The following KCNJ6 variants were observed in gnomAD, a reference collection of about 807,000 sequenced individuals.
KCNJ6 encodes the protein G protein-activated inward rectifier potassium channel 2.
In KCNJ6, 9 loss-of-function variants were observed where a neutral mutation model predicts 34.2. The ratio of observed to expected loss-of-function variants is 0.26; its 90% CI spans 0.16 to 0.46. The LOEUF (loss-of-function observed/expected upper bound fraction) is 0.46, where lower values mean the gene tolerates loss of function less well. Ranked by LOEUF, KCNJ6 falls within the 20% of genes least tolerant of loss-of-function variation. KCNJ6 has a pLI of 1.00. For synonymous variants in KCNJ6, 196 were observed against 207.1 expected (o/e 0.95, Z 0.46); for missense variants, 236 against 531.3 (o/e 0.44, Z 5.46).
intron 2 of KCNJ6, among the ~76,000 whole-genome samples, chr21:37,808,328 C>G (rs2123539203): frequency 6.6e-6 from 1 of 152,298 alleles, no homozygotes; most frequent in African/African-American, 2.4e-5. Context: ...CCATATTATT[C>G]TGAGAAATGG....
rs140168442 is a variant in KCNJ6, at chr21:37,734,848, C to A, written c.26-19717G>T. Reference sequence around the variant, plus strand: ...ATCCTATGATTGATATATATAATTGCTTAAATGTGCTTTCCCAAACTCATT... The same window carrying A: ...ATCCTATGATTGATATATATAATTGATTAAATGTGCTTTCCCAAACTCATT... On this transcript the variant is annotated intron_variant, in intron 2 of 3. Coordinates refer to ENST00000609713, the MANE Select transcript of KCNJ6 (RefSeq NM_002240.5). 1.1e-4 allele frequency among the ~76,000 whole-genome samples: 17 copies of A among 152,276 alleles called. No individual in the cohort carries two copies. The East Asian group carries it at 3.3e-3, about 29-fold the overall frequency.
chr21:37,809,739 T>A (rs2055313065), intron 2 of KCNJ6, among the ~76,000 whole-genome samples: 1 of 152,144 alleles, frequency 6.6e-6, no homozygotes, highest in Non-Finnish European at 1.5e-5. Context: ...CAGCCTCCCT[T>A]GTAGTAGGTA....
intron 3 of KCNJ6, among the ~76,000 whole-genome samples, chr21:37,638,600 T>C (rs2123374708): frequency 6.6e-6 from 1 of 152,340 alleles, no homozygotes; most frequent in African/African-American, 2.4e-5. Context: ...TGCCACTCCC[T>C]TCTGCCTACC....
chr21:37,686,270 G>C (rs561995997), intron 3 of KCNJ6, among the ~76,000 whole-genome samples: 1 of 152,208 alleles, frequency 6.6e-6, no homozygotes, highest in African/African-American at 2.4e-5. Context: ...GTTGAGGAGG[G>C]GGACAGGTGA....
chr21:37,801,890 CCA>C (rs1212590001), intron 2 of KCNJ6, among the ~76,000 whole-genome samples: 1 of 152,132 alleles, frequency 6.6e-6, no homozygotes, highest in Non-Finnish European at 1.5e-5. Context: ...ATTATTCCCC[CCA>C]GTCACCATGT....
rs531754166 is a variant in KCNJ6, at chr21:37,813,608, C to T, written c.25+27050G>A. On this transcript the variant is annotated intron_variant, in intron 2 of 3. Coordinates refer to ENST00000609713, the MANE Select transcript of KCNJ6 (RefSeq NM_002240.5). ...GCCCAGAAGCAAATCCATACACCTG[C>T]ATGAACTCGTTTTCAACAAAGTTGC... 5.9e-5 allele frequency among the ~76,000 whole-genome samples: 9 copies of T among 152,242 alleles called. No individual in the cohort carries two copies. In the South Asian group the frequency reaches 1.9e-3, roughly 32 times the overall value.
chr21:37,720,752 C>G (rs1354944173), intron 2 of KCNJ6, among the ~76,000 whole-genome samples: 2 of 148,666 alleles, frequency 1.3e-5, no homozygotes, highest in African/African-American at 2.5e-5. Flanking sequence ...CCAGGCCGGA[C>G]TGCGGACTGC....
intron 1 of KCNJ6, among the ~76,000 whole-genome samples, chr21:37,841,754 T>C (rs1247277803): frequency 6.6e-6 from 1 of 152,220 alleles, no homozygotes; most frequent in Non-Finnish European, 1.5e-5. Context: ...TATGTCATCA[T>C]TTTTTAATGA....
Position 37,619,340 on chromosome 21 carries a change from TTCCA to T in KCNJ6, c.*5815_*5818del, listed in dbSNP as rs2054283078. On this transcript the variant is annotated 3_prime_UTR_variant, in exon 4 of 4. Transcript: ENST00000609713. ...CTAAAAACCCCAAGGTCTGGACTTTTTCCATCCATTATGTCTGTAATTACCAATC... is the reference window on the plus strand; with the variant it reads ...CTAAAAACCCCAAGGTCTGGACTTTTTCCATTATGTCTGTAATTACCAATC... The T allele has an allele frequency of 6.6e-6, 1 of 152,246 alleles. No individual in the cohort carries two copies. Among genetic ancestry groups the T allele is most frequent in the South Asian group, 2.1e-4 (1 of 4,828 alleles). The allele number at this position is 152,246 out of a possible 1,614,324, so 9.4% of individuals were successfully genotyped here.
intron 2 of KCNJ6, among the ~76,000 whole-genome samples, chr21:37,764,576 G>A (rs35642940): frequency 0.62 from 94,400 of 151,784 alleles, 30,103 homozygotes; most frequent in African/African-American, 0.75. Flanking sequence ...CCAGGGTTTT[G>A]CCATGTTGGC....
At chr21:37,828,049 C>A (rs956236244) in intron 2 of KCNJ6, among the ~76,000 whole-genome samples, 1 of 152,188 alleles carries the variant, frequency 6.6e-6, no homozygotes. Context: ...CGTGCCTCAC[C>A]TGATAAGCAC....
rs750342789 is a variant in KCNJ6 at position 37,714,647 on chromosome 21, A to G, written c.510T>C (p.Leu170=). The change falls in exon 3 of 4, where the codon CTT becomes CTC. Residue 170 remains leucine (L), a synonymous_variant. Transcript: ENST00000609713. The surrounding 1 kb of genome is among the most constrained non-coding windows in gnomAD (Gnocchi z 5.9). ...ITDKCPEGII[L]LLIQSVLGSI... ...ACCCCAACACAGATTGGATTAAGAG[A>G]AGAATAATTCCCTCTGGGCATTTAT... 6.2e-7 allele frequency: 1 copy of G among 1,614,110 alleles called. No homozygotes were observed. The highest frequency in any genetic ancestry group is 1.1e-5 in the South Asian group (1 of 91,076).
chr21:37,904,282 C>T (rs2055830948), intron 1 of KCNJ6, among the ~76,000 whole-genome samples: 1 of 152,156 alleles, frequency 6.6e-6, no homozygotes, highest in Admixed American at 6.5e-5. Flanking sequence ...CCAAGATAAC[C>T]ACTTTGTACT....
chr21:37,674,002 C>T (rs1224676045), intron 3 of KCNJ6, among the ~76,000 whole-genome samples: 6 of 152,212 alleles, frequency 3.9e-5, no homozygotes. Flanking sequence ...TTAGTGATGA[C>T]AGCATATCCC....
chr21:37,904,789 A>G (rs2055833399), intron 1 of KCNJ6, among the ~76,000 whole-genome samples: 1 of 152,190 alleles, frequency 6.6e-6, no homozygotes, highest in Non-Finnish European at 1.5e-5. Flanking sequence ...GCACAGGAGA[A>G]AAAAAGGAGT....
At chr21:37,704,663 A>G (rs971546671) in intron 3 of KCNJ6, among the ~76,000 whole-genome samples, 8 of 150,190 alleles carry the variant, frequency 5.3e-5, no homozygotes, top group Admixed American at 1.3e-4. Context: ...AGTCGTCGTC[A>G]TCATCATCAT....
chr21:37,838,710 G>C (rs942573383), intron 2 of KCNJ6, among the ~76,000 whole-genome samples: 1 of 152,232 alleles, frequency 6.6e-6, no homozygotes. Context: ...TTCCAGGTCT[G>C]AGAAGAGCAC....
At chr21:37,860,396 C>G (rs2055588558) in intron 1 of KCNJ6, among the ~76,000 whole-genome samples, 1 of 152,216 alleles carries the variant, frequency 6.6e-6, no homozygotes, top group African/African-American at 2.4e-5. Flanking sequence ...CCTTTCTCGC[C>G]TGGTCTACGC....
chr21:37,610,734 T>C lies in KCNJ6; in HGVS notation c.*14425A>G, dbSNP rs1265439019. ...ATACTTGGAGATTAAACAACACACG[T>C]GTAAATATCATGGGTCAAAGAAGAA... On this transcript the variant is annotated 3_prime_UTR_variant, in exon 4 of 4. Transcript: ENST00000609713. 6.6e-6 allele frequency: 1 copy of C among 151,028 alleles called. No homozygotes were observed. Among genetic ancestry groups the C allele is most frequent in the African/African-American group, 2.4e-5 (1 of 40,990 alleles). 9.4% of individuals were successfully genotyped at this position (151,028 alleles called of 1,614,324 possible). A position where few individuals can be genotyped will look rare whatever the true frequency, so the allele number is the denominator to read the frequency against.
Sources: gnomAD v4.1 joint callset for allele counts (sites outside exome capture counted in the v4.1 genomes callset) on GRCh38, gnomAD v4.1.1 for gene constraint, Gnocchi (gnomAD v3.1) non-coding constraint, MANE v1.5 for transcripts, NCBI Gene and HGNC (gene_info 2026-07-23, HGNC 2026-07-21) for gene names.